HRC: variants seen among roughly 807,000 people sequenced by gnomAD.
HRC encodes sarcoplasmic reticulum histidine-rich calcium-binding protein.
HRC carries 41 observed loss-of-function variants against 61.4 expected under a neutral mutation model. The observed-to-expected ratio is 0.67, with a 90% CI of 0.52 to 0.87. HRC has a LOEUF of 0.87. Ranked by LOEUF, HRC falls within the 40% of genes least tolerant of loss-of-function variation. The pLI, the probability that HRC is intolerant of heterozygous loss-of-function variation, is 0.00. For missense variants in HRC, 839 were observed against 885.8 expected, an observed-to-expected ratio of 0.95 and a Z score of 0.67; for synonymous variants, 308 against 326.6, an observed-to-expected ratio of 0.94 and a Z score of 0.62.
chr19:49,151,347 G>T lies in HRC; in HGVS notation c.2064-15C>A. The T allele has an allele frequency of 6.4e-7, 1 of 1,555,770 alleles. No homozygotes were observed. The highest frequency in any genetic ancestry group is 8.7e-7 in the Non-Finnish European group (1 of 1,147,306). ...CTGCCAGGGCCCTGGAGACGAGAACGCCAGAAGTTAGACAGCTGGTGTTCA... is the reference window on the plus strand; with the variant it reads ...CTGCCAGGGCCCTGGAGACGAGAACTCCAGAAGTTAGACAGCTGGTGTTCA... On this transcript the variant is annotated splice_polypyrimidine_tract_variant and intron_variant, in intron 5 of 5. Transcript: ENST00000252825.
Position 49,155,131 on chromosome 19 carries a change from C to A in HRC, c.107G>T (p.Gly36Val). 6.2e-7 allele frequency: 1 copy of A among 1,613,650 alleles called. No homozygotes were observed. The highest frequency in any genetic ancestry group is 1.1e-5 in the South Asian group (1 of 91,064). ...MTQQLRGDGL[G>V]FRNRNNSTGV... Reference sequence around the variant, plus strand: ...AGTGCTGTTGTTCCGGTTTCTGAAGCCTAGCCCATCCCCTCTGAGCTGCTG... The same window carrying A: ...AGTGCTGTTGTTCCGGTTTCTGAAGACTAGCCCATCCCCTCTGAGCTGCTG... The change falls in exon 1 of 6, where the codon GGC becomes GTC. Residue 36 changes from glycine to valine, a missense_variant. Gly to Val is a moderately radical substitution (Grantham distance 109, BLOSUM62 -3). Transcript: ENST00000252825. This position sits in a 1 kb window ranked among gnomAD's most constrained non-coding sequence, Gnocchi z 4.7.
Position 49,151,917 on chromosome 19 carries a change from A to G in HRC, c.2026+87T>C, listed in dbSNP as rs1423520. 197 of 1,366,676 alleles carry G rather than the reference A, an allele frequency of 1.4e-4. 1 individual carries two copies. Among genetic ancestry groups the G allele is most frequent in the Non-Finnish European group, 1.1e-4 (109 of 965,606 alleles). 84.7% of individuals were successfully genotyped at this position (1,366,676 alleles called of 1,614,324 possible). ...CCTCTTAGCCCCGCCCCACCAGCCT[A>G]CCGGGCCAGGCTCCGCCCCCACCAG... is the stretch of plus-strand genomic sequence containing the variant. On this transcript the variant is annotated intron_variant, in intron 4 of 5. Transcript: ENST00000252825.
In HRC at chr19:49,153,538, C is replaced by T; in HGVS notation, c.1700G>A (p.Ser567Asn). ...EVGAPLSPDH[S>N]EEEEEEEEGL... ...CTCCTCCTCCTCCTCTTCCTCCTCG[C>T]TGTGGTCTGGGCTCAGTGGGGCCCC... Residue 567 changes from serine to asparagine, a missense_variant, in exon 1 of 6, where the codon AGC (serine) becomes AAC (asparagine). Ser to Asn is a conservative substitution (Grantham distance 46). Transcript: ENST00000252825. This position sits in a 1 kb window ranked among gnomAD's most constrained non-coding sequence, Gnocchi z 4.8. 6.3e-7 allele frequency: 1 copy of T among 1,578,396 alleles called. No individual in the cohort carries two copies. Among genetic ancestry groups the T allele is most frequent in the Non-Finnish European group, 8.6e-7 (1 of 1,162,002 alleles).
chr19:49,154,064 C>G lies in HRC; in HGVS notation c.1174G>C (p.Ala392Pro). Residue 392 changes from alanine (A) to proline (P), a missense_variant, in exon 1 of 6, where the codon GCA becomes CCA. Transcript: ENST00000252825. Reference protein sequence around the residue: ...EITVQFGHYVASHQPRGHKSD... With the variant: ...EITVQFGHYVPSHQPRGHKSD... ...TTGTGGCCTCGAGGTTGGTGGCTTG[C>G]AACATAGTGGCCGAACTGGACTGTG... 6.2e-7 allele frequency: 1 copy of G among 1,614,184 alleles called. No individual in the cohort carries two copies. Among genetic ancestry groups the G allele is most frequent in the South Asian group, 1.1e-5 (1 of 91,076 alleles).
In HRC at chr19:49,154,785, G is replaced by A; in HGVS notation, c.453C>T (p.His151=). 2 of 1,613,792 alleles carry A rather than the reference G, an allele frequency of 1.2e-6. No individual in the cohort carries two copies. The highest frequency in any genetic ancestry group is 1.7e-6 in the Non-Finnish European group (2 of 1,179,924). ...GGCTGTGGCTCCTGTGGCTGGGGAG[G>A]TGGTGCCTGTGCTCAGCTGAGTCTT... ...DTEDSAEHRH[H]LPSHRSHSHQ... Residue 151 remains histidine, a synonymous_variant, in exon 1 of 6, where the codon CAC becomes CAT. Coordinates refer to ENST00000252825, the MANE Select transcript of HRC (RefSeq NM_002152.3).
chr19:49,152,073 G>T lies in HRC; in HGVS notation c.1972-15C>A. 1 of 1,613,292 alleles carries T rather than the reference G, an allele frequency of 6.2e-7. No individual in the cohort carries two copies. The highest frequency in any genetic ancestry group is 8.5e-7 in the Non-Finnish European group (1 of 1,179,364). ...AACTGACAGTGCTGGAGGCGGGGAC[G>T]GGGAGAGAGAGTGAGCGTGGGGCGT... On this transcript the variant is annotated splice_polypyrimidine_tract_variant and intron_variant, in intron 3 of 5. Transcript: ENST00000252825.
rs1320917631 is a variant in HRC, at chr19:49,152,018, G to A, written c.2012C>T (p.Thr671Met). Residue 671 changes from threonine (T) to methionine (M), a missense_variant, in exon 4 of 6, where the codon ACG becomes ATG. Physicochemically the swap from Thr to Met is moderately conservative, Grantham distance 81. Transcript: ENST00000252825. ...CCCATGCTCACCTGGAGCGCAGACCGTTTCGCAGACCAGCGGGCAGAGATA... is the reference window on the plus strand; with the variant it reads ...CCCATGCTCACCTGGAGCGCAGACCATTTCGCAGACCAGCGGGCAGAGATA... ...FCYLCPLVCE[T>M]VCAPGSYVDY... The A allele has an allele frequency of 6.2e-7, 1 of 1,614,080 alleles. No individual in the cohort carries two copies. The highest frequency in any genetic ancestry group is 8.5e-7 in the Non-Finnish European group (1 of 1,180,010).
rs748029637 is a variant in HRC at position 49,151,958 on chromosome 19, G to C, written c.2026+46C>G. On this transcript the variant is annotated intron_variant, in intron 4 of 5. Transcript: ENST00000252825. Reference sequence around the variant, plus strand: ...CCCCCACCAGGATTCACCACGCTGGGCCCGGCACCTTCCTCAGGTTTTTCC... The same window carrying C: ...CCCCCACCAGGATTCACCACGCTGGCCCCGGCACCTTCCTCAGGTTTTTCC... The C allele has an allele frequency of 1.9e-6, 3 of 1,587,952 alleles. No homozygotes were observed. The Admixed American group carries it at 5.0e-5, about 27-fold the overall frequency.
chr19:49,154,106 C>A lies in HRC; in HGVS notation c.1132G>T (p.Glu378Ter). The A allele has an allele frequency of 6.2e-7, 1 of 1,614,218 alleles. No homozygotes were observed. Among genetic ancestry groups the A allele is most frequent in the Non-Finnish European group, 8.5e-7 (1 of 1,180,044 alleles). ...TGGACTGTGATCTCCTCTTCTTCCTCTTCCTCATCTACAAGGCCATGGTGG... is the reference window on the plus strand; with the variant it reads ...TGGACTGTGATCTCCTCTTCTTCCTATTCCTCATCTACAAGGCCATGGTGG... ...HVHHGLVDEEEEEEEITVQFG... is the reference protein window; with the variant it reads ...HVHHGLVDEE The change falls in exon 1 of 6, where the codon GAG (glutamate) becomes TAG (stop). Residue 378 changes from glutamate to a stop codon, truncating the protein, a stop_gained. Coordinates refer to ENST00000252825, the MANE Select transcript of HRC (RefSeq NM_002152.3). LOFTEE classifies it high-confidence loss of function.
intron 4 of HRC, 116 bp downstream of exon 4, chr19:49,151,888 C>T (rs2041363165): frequency 9.7e-7 from 1 of 1,029,758 alleles, no homozygotes; most frequent in African/African-American, 1.6e-5. Context: ...TTGGCCACGC[C>T]TCCCCTCTTA....
rs1420067784 is a variant in HRC, at chr19:49,155,165, C to T, written c.73G>A (p.Ala25Thr). ...TCCCCTCTGAGCTGCTGGGTCATGG[C>T]CGGGGGGAGGAGCAGGCTGGCCACC... ...AGVASLLLPP[A>T]MTQQLRGDGL... The change falls in exon 1 of 6, where the codon GCC becomes ACC. Residue 25 changes from alanine to threonine, a missense_variant. Physicochemically the swap from Ala to Thr is moderately conservative, Grantham distance 58 (BLOSUM62 0). Coordinates refer to ENST00000252825, the MANE Select transcript of HRC (RefSeq NM_002152.3). This position sits in a 1 kb window ranked among gnomAD's most constrained non-coding sequence, Gnocchi z 4.7. The T allele has an allele frequency of 1.9e-6, 3 of 1,613,542 alleles. No homozygotes were observed. Among genetic ancestry groups the T allele is most frequent in the Non-Finnish European group, 2.5e-6 (3 of 1,180,018 alleles).
At position 49,153,523 on chromosome 19, in the gene HRC, TC is replaced by T; in HGVS notation, c.1714del (p.Glu572ArgfsTer?). The stretch of plus-strand genomic sequence containing the variant: ...ATCTTCCTCCAGCCCCTCCTCCTCC[TC>T]CTCTTCCTCCTCGCTGTGGTCTGGG... The part of the protein sequence containing the change: ...LSPDHSEEEE[E>X]EEEGLEEDEP... On this transcript the variant is annotated frameshift_variant, in exon 1 of 6. Transcript: ENST00000252825. LOFTEE classifies it high-confidence loss of function. This position sits in a 1 kb window ranked among gnomAD's most constrained non-coding sequence, Gnocchi z 4.8. 1 of 1,579,764 alleles carries T rather than the reference TC, an allele frequency of 6.3e-7. No homozygotes were observed. The highest frequency in any genetic ancestry group is 1.2e-5 in the South Asian group (1 of 83,454).
chr19:49,151,841 T>A (rs1395155692), intron 4 of HRC, 163 bp downstream of exon 4: 32 of 698,636 alleles, frequency 4.6e-5, no homozygotes, highest in East Asian at 8.1e-5. Context: ...CCACCTGGTG[T>A]TCCTCGAGCC....
Position 49,154,600 on chromosome 19 carries a change from G to A in HRC, c.638C>T (p.Ala213Val). ...EEASTEYGHQ[A>V]HRHRGHGSEE... ...ACTCCCATGGCCTCGGTGCCTGTGG[G>A]CCTGGTGTCCATACTCAGTGGAGGC... The change falls in exon 1 of 6, where the codon GCC becomes GTC. Residue 213 changes from alanine (A) to valine (V), a missense_variant. By Grantham distance (64) the Ala-to-Val change is moderately conservative. Transcript: ENST00000252825. 1 of 1,603,500 alleles carries A rather than the reference G, an allele frequency of 6.2e-7. No individual in the cohort carries two copies.
rs1360298404 is a variant in HRC at position 49,151,523 on chromosome 19, A to C, written c.2057T>G (p.Leu686Arg). 1 of 1,613,908 alleles carries C rather than the reference A, an allele frequency of 6.2e-7. No individual in the cohort carries two copies. Among genetic ancestry groups the C allele is most frequent in the African/African-American group, 1.3e-5 (1 of 74,926 alleles). The stretch of plus-strand genomic sequence containing the variant: ...TCCCCTTTTACACACTTACTGATAA[A>C]GGGACGAGGAGAAATAGTCAACGTA... ...GSYVDYFSSS[L>R]YQALADMLET... Residue 686 changes from leucine (L) to arginine (R), a missense_variant, in exon 5 of 6, where the codon CTT becomes CGT. Physicochemically the swap from Leu to Arg is moderately radical, Grantham distance 102. Transcript: ENST00000252825.
rs1049421351 is a variant in HRC, at chr19:49,155,292, G to T, written c.-55C>A. The T allele has an allele frequency of 6.6e-7, 1 of 1,526,094 alleles. No homozygotes were observed. 94.5% of individuals were successfully genotyped at this position (1,526,094 alleles called of 1,614,324 possible). A position where few individuals can be genotyped will look rare whatever the true frequency, so the allele number is the denominator to read the frequency against. Reference sequence around the variant, plus strand: ...TGCCTCTGCGGCAATGTGGACAAACGTTGGGGTCTTTGTCCCTTTGGGGTT... The same window carrying T: ...TGCCTCTGCGGCAATGTGGACAAACTTTGGGGTCTTTGTCCCTTTGGGGTT... On this transcript the variant is annotated 5_prime_UTR_variant, in exon 1 of 6. Transcript: ENST00000252825. This position sits in a 1 kb window ranked among gnomAD's most constrained non-coding sequence, Gnocchi z 4.7.
chr19:49,151,406 C>T, intron 5 of HRC, 74 bp from the exon 6 acceptor site: 3 of 1,569,098 alleles, frequency 1.9e-6, no homozygotes, highest in Non-Finnish European at 2.6e-6. Flanking sequence ...GATCATTAAC[C>T]TGCCCATTTC....
In HRC at chr19:49,152,586, T is replaced by G. The variant is rs60963895; in HGVS notation, c.1903-208A>C. Among the ~76,000 whole-genome samples the G allele has an allele frequency of 3.0e-3, 455 of 151,450 alleles. 2 individuals carry two copies. Among genetic ancestry groups the G allele is most frequent in the African/African-American group, 0.01 (417 of 41,264 alleles). Reference sequence around the variant, plus strand: ...CTTTCCCTTTTTTTCCTTTTTTTTCTTGAGGCGGAGTCTCTCTCTGTCGCC... The same window carrying G: ...CTTTCCCTTTTTTTCCTTTTTTTTCGTGAGGCGGAGTCTCTCTCTGTCGCC... On this transcript the variant is annotated intron_variant, in intron 2 of 5. Coordinates refer to ENST00000252825, the MANE Select transcript of HRC (RefSeq NM_002152.3).
intron 2 of HRC, 98 bp from the exon 3 acceptor site, chr19:49,152,476 T>C: frequency 1.1e-6 from 1 of 892,580 alleles, no homozygotes. Context: ...TTCCCCAGAC[T>C]CTACCCTCTT....
Sources: allele counts gnomAD v4.1 joint callset (sites outside exome capture counted in the v4.1 genomes callset), GRCh38; gene constraint gnomAD v4.1.1; non-coding constraint Gnocchi (gnomAD v3.1); transcripts MANE v1.5; gene names NCBI Gene and HGNC (gene_info 2026-07-23, HGNC 2026-07-21).